Variants in DNAH14 observed in about 807,000 individuals in gnomAD.
DNAH14 encodes the protein axonemal beta dynein heavy chain 14.
A neutral mutation model predicts 520.9 loss-of-function variants in DNAH14; 478 were observed. That is an observed-to-expected ratio of 0.92 (90% CI 0.85 to 0.99). The LOEUF is 0.99. DNAH14 is among the 50% of genes least tolerant of loss of function. The pLI is 0.00. For synonymous variants in DNAH14, 1,581 were observed against 1,757.2 expected, an observed-to-expected ratio of 0.90 and a Z score of 2.51; for missense variants, 4,831 against 5,234.5, an observed-to-expected ratio of 0.92 and a Z score of 2.38.
At chr1:225,044,360 A>C (rs1232355345) in intron 15 of DNAH14, among the ~76,000 whole-genome samples, 4 of 152,152 alleles carry the variant, frequency 2.6e-5, no homozygotes, top group African/African-American at 9.7e-5. Context: ...CACAATCTGA[A>C]ATTGCAGGCA....
In DNAH14 at chr1:224,998,927, C is replaced by T. The variant is rs184949919; in HGVS notation, c.831-3856C>T. Among the ~76,000 whole-genome samples the T allele has an allele frequency of 2.8e-3, 422 of 151,288 alleles. 1 individual carries two copies. Among genetic ancestry groups the T allele is most frequent in the Middle Eastern group, 0.01 (3 of 290 alleles). ...TCAGCTTTTGTTTGACATTTTGCAG[C>T]CCTATTGTTTGGTGCATACCCTTTT... On this transcript the variant is annotated intron_variant, in intron 8 of 85. Coordinates refer to ENST00000682510, the MANE Select transcript of DNAH14 (RefSeq NM_001367479.1).
At chr1:225,078,517 A>G (rs1258832197) in intron 17 of DNAH14, among the ~76,000 whole-genome samples, 12 of 152,206 alleles carry the variant, frequency 7.9e-5, no homozygotes, top group Admixed American at 6.5e-4. Flanking sequence ...TTTTGTTAAC[A>G]GTAGAAGGAT....
At chr1:225,200,734 T>C (rs1257327078) in intron 38 of DNAH14, among the ~76,000 whole-genome samples, 2 of 152,206 alleles carry the variant, frequency 1.3e-5, no homozygotes, top group East Asian at 3.8e-4. Context: ...GCTGTTAATC[T>C]GATAGGTTTT....
chr1:225,376,898 G>T (rs1228111380), intron 78 of DNAH14, among the ~76,000 whole-genome samples: 1 of 151,782 alleles, frequency 6.6e-6, no homozygotes, highest in African/African-American at 2.4e-5. Flanking sequence ...TTTCACTAAA[G>T]TAAAATGATT....
chr1:224,984,945 A>C (rs1355428932), intron 8 of DNAH14, among the ~76,000 whole-genome samples: 2 of 152,154 alleles, frequency 1.3e-5, no homozygotes, highest in African/African-American at 4.8e-5. Context: ...GAATGCCCAC[A>C]ATCAAAAAAT....
At chr1:225,075,186 T>C (rs752100012) in intron 17 of DNAH14, among the ~76,000 whole-genome samples, 1 of 152,170 alleles carries the variant, frequency 6.6e-6, no homozygotes, top group African/African-American at 2.4e-5. Context: ...ATGGGAGAAG[T>C]GTGGTTTCCT....
intron 38 of DNAH14, among the ~76,000 whole-genome samples, chr1:225,200,838 G>A (rs1374633022): frequency 3.9e-5 from 6 of 152,046 alleles, no homozygotes; most frequent in East Asian, 3.9e-4. Flanking sequence ...GTGCCTACGC[G>A]ATGATCTTTT....
chr1:225,074,802 T>C (rs946988154), intron 17 of DNAH14, among the ~76,000 whole-genome samples: 6 of 152,204 alleles, frequency 3.9e-5, no homozygotes, highest in Admixed American at 2.6e-4. Context: ...ACAGCAAACA[T>C]AGTGGCCTGC....
intron 43 of DNAH14, among the ~76,000 whole-genome samples, chr1:225,251,234 C>T (rs1278009784): frequency 1.3e-5 from 2 of 150,746 alleles, no homozygotes; most frequent in Admixed American, 6.6e-5. Context: ...AGTGCAATAG[C>T]GTGATCTCAG....
At chr1:225,357,838 A>T (rs752986229) in intron 73 of DNAH14, 1 of 701,962 alleles carries the variant, frequency 1.4e-6, no homozygotes, top group African/African-American at 1.7e-5. Flanking sequence ...TGTTCAGGAC[A>T]TATTTTATGG....
intron 36 of DNAH14, among the ~76,000 whole-genome samples, chr1:225,171,252 C>A (rs2082616058): frequency 6.6e-6 from 1 of 152,078 alleles, no homozygotes; most frequent in South Asian, 2.1e-4. Flanking sequence ...TAGCAGAAGG[C>A]AAGAAATAAC....
intron 60 of DNAH14, among the ~76,000 whole-genome samples, chr1:225,310,177 GGTTTT>G (rs890305401): frequency 5.9e-5 from 9 of 151,804 alleles, no homozygotes; most frequent in South Asian, 4.1e-4. Context: ...TGTTTTGCAT[GGTTTT>G]GTTTTGTTTT....
At chr1:225,145,404 G>A in intron 30 of DNAH14, 25 bp downstream of exon 30, 1 of 1,504,826 alleles carries the variant, frequency 6.6e-7, no homozygotes, top group Non-Finnish European at 9.0e-7. Context: ...TATGTGTCAG[G>A]AAGAAATATT....
Position 225,265,286 on chromosome 1 carries a change from A to G in DNAH14, c.7327A>G (p.Thr2443Ala). The stretch of plus-strand genomic sequence containing the variant: ...TACAATAAATTTTAGCACCAATGTA[A>G]CAGCTGCCAAAACCAAGGAGATGAT... ...VSTINFSTNV[T>A]AAKTKEMILK... The change falls in exon 48 of 86, where the codon ACA (threonine) becomes GCA (alanine). Residue 2443 changes from threonine to alanine, a missense_variant. Transcript: ENST00000682510. 6.5e-7 allele frequency: 1 copy of G among 1,544,964 alleles called. No individual in the cohort carries two copies. Among genetic ancestry groups the G allele is most frequent in the Non-Finnish European group, 8.7e-7 (1 of 1,145,112 alleles).
chr1:225,118,109 C>T (rs1221446165), intron 25 of DNAH14, 110 bp downstream of exon 25: 1 of 819,770 alleles, frequency 1.2e-6, no homozygotes, highest in Non-Finnish European at 2.1e-6. Context: ...ACTGTTTCTT[C>T]AAAGATTATA....
intron 43 of DNAH14, among the ~76,000 whole-genome samples, chr1:225,242,821 AGT>A (rs2092046765): frequency 6.6e-6 from 1 of 152,230 alleles, no homozygotes; most frequent in Non-Finnish European, 1.5e-5. Flanking sequence ...AAAGATAATT[AGT>A]GCATTGTGCT....
At chr1:225,258,375 A>G (rs1174615785) in intron 45 of DNAH14, among the ~76,000 whole-genome samples, 1 of 152,192 alleles carries the variant, frequency 6.6e-6, no homozygotes, top group Non-Finnish European at 1.5e-5. Flanking sequence ...TTATATTAAT[A>G]ATATATGTTT....
At chr1:225,271,826 C>T (rs1163567709) in intron 50 of DNAH14, 80 bp from the exon 51 acceptor site, 22 of 1,112,262 alleles carry the variant, frequency 2.0e-5, no homozygotes, top group Admixed American at 5.6e-5. Flanking sequence ...TACACAAGTC[C>T]GCTTTTTAGT....
At position 225,232,280 on chromosome 1, in the gene DNAH14, T is replaced by TACACACACACACACACAC. The variant is rs139079665; in HGVS notation, c.6518+1132_6518+1149dup. On this transcript the variant is annotated intron_variant, in intron 42 of 85. Coordinates refer to ENST00000682510, the MANE Select transcript of DNAH14 (RefSeq NM_001367479.1). This position sits in a 1 kb window ranked among gnomAD's most constrained non-coding sequence, Gnocchi z 4.2. The stretch of plus-strand genomic sequence containing the variant: ...ATATATAAACTGTGATATATATATA[T>TACACACACACACACACAC]ACACACACACACACACACACGTGTA... Among the ~76,000 whole-genome samples the TACACACACACACACACAC allele has an allele frequency of 6.7e-6, 1 of 149,478 alleles. No homozygotes were observed.
Sources: allele counts gnomAD v4.1 joint callset (sites outside exome capture counted in the v4.1 genomes callset), GRCh38; gene constraint gnomAD v4.1.1; non-coding constraint Gnocchi (gnomAD v3.1); transcripts MANE v1.5; gene names NCBI Gene and HGNC (gene_info 2026-07-23, HGNC 2026-07-21).